Variants in SLC5A1 observed in about 807,000 individuals in gnomAD.
SLC5A1 encodes sodium/glucose cotransporter 1.
Under a neutral mutation model 73.5 loss-of-function variants are expected in SLC5A1, and 42 were observed. The ratio of observed to expected loss-of-function variants is 0.57; its 90% CI spans 0.45 to 0.74. SLC5A1 has a LOEUF of 0.74. Among genes scored for constraint, SLC5A1 ranks in the 30% least tolerant of loss-of-function variants. SLC5A1 has a pLI of 0.00. For synonymous variants in SLC5A1, 300 were observed against 317.4 expected (o/e 0.95, Z 0.58); for missense variants, 634 against 855.4 (o/e 0.74, Z 3.23).
At chr22:32,084,002 G>A (rs899675244) in intron 7 of SLC5A1, among the ~76,000 whole-genome samples, 3 of 152,268 alleles carry the variant, frequency 2.0e-5, no homozygotes, top group African/African-American at 7.2e-5. Context: ...GGTAGGTGTG[G>A]GTCTGAGGTC....
chr22:32,050,671 A>G (rs1185172917), intron 2 of SLC5A1, among the ~76,000 whole-genome samples: 1 of 152,224 alleles, frequency 6.6e-6, no homozygotes, highest in Non-Finnish European at 1.5e-5. Flanking sequence ...CTGTTCCTGA[A>G]AACTGAATGA....
Position 32,056,227 on chromosome 22 carries a change from C to T in SLC5A1, c.207+6213C>T, listed in dbSNP as rs543922185. Among the ~76,000 whole-genome samples, 275 of 152,116 alleles carry T rather than the reference C, an allele frequency of 1.8e-3. 2 individuals are homozygous for T. The highest frequency in any genetic ancestry group is 6.2e-3 in the African/African-American group (257 of 41,480). On this transcript the variant is annotated intron_variant, in intron 2 of 14. Transcript: ENST00000266088. Reference sequence around the variant, plus strand: ...GTAGAGGTGAGGTCTCGCTATGTTGCGCAGCCTGGTCTCGAACTCCCGAGC... The same window carrying T: ...GTAGAGGTGAGGTCTCGCTATGTTGTGCAGCCTGGTCTCGAACTCCCGAGC...
At chr22:32,062,358 T>G (rs2093964521) in intron 2 of SLC5A1, among the ~76,000 whole-genome samples, 2 of 152,222 alleles carry the variant, frequency 1.3e-5, no homozygotes, top group African/African-American at 4.8e-5. Context: ...TGGTAAAATG[T>G]GATTAATTCC....
At chr22:32,087,567 T>C (rs1032226730) in intron 10 of SLC5A1, among the ~76,000 whole-genome samples, 1 of 152,134 alleles carries the variant, frequency 6.6e-6, no homozygotes, top group African/African-American at 2.4e-5. Context: ...CAAGGCGGCT[T>C]GTCACCATAA....
intron 2 of SLC5A1, among the ~76,000 whole-genome samples, chr22:32,054,154 C>T (rs947446875): frequency 9.9e-5 from 15 of 152,116 alleles, no homozygotes; most frequent in African/African-American, 3.6e-4. Context: ...GCTTGGGCAA[C>T]AGAGCAAGAT....
intron 14 of SLC5A1, among the ~76,000 whole-genome samples, chr22:32,105,190 A>G (rs78702644): frequency 0.033 from 5,000 of 152,240 alleles, 256 homozygotes; most frequent in African/African-American, 0.11. Context: ...TGATGCAGGC[A>G]TGCAATCATG....
In SLC5A1 at chr22:32,099,410, G is replaced by A. The variant is rs1247167712; in HGVS notation, c.1449+59G>A. On this transcript the variant is annotated intron_variant, in intron 12 of 14. Coordinates refer to ENST00000266088, the MANE Select transcript of SLC5A1 (RefSeq NM_000343.4). ...TTCTGGCATAGAAGTTTCCATGTGG[G>A]TTTGCATATTCTCTGTGGGAGGGAT... 2.7e-6 allele frequency: 4 copies of A among 1,456,168 alleles called. No individual in the cohort carries two copies. In the East Asian group the frequency reaches 6.9e-5, roughly 25 times the overall value. The allele number at this position is 1,456,168 out of a possible 1,614,324, so 90.2% of individuals were successfully genotyped here. A position where few individuals can be genotyped will look rare whatever the true frequency, so the allele number is the denominator to read the frequency against.
At chr22:32,049,185 A>G (rs1450631348) in intron 1 of SLC5A1, among the ~76,000 whole-genome samples, 4 of 29,228 alleles carry the variant, frequency 1.4e-4, no homozygotes, top group African/African-American at 2.1e-4. Flanking sequence ...ATCTATATCT[A>G]TATCTATATC....
At chr22:32,046,272 C>A (rs150009556) in intron 1 of SLC5A1, among the ~76,000 whole-genome samples, 383 of 152,312 alleles carry the variant, frequency 2.5e-3, no homozygotes, top group Admixed American at 2.7e-3. Context: ...CTTTCCCACT[C>A]CCCAAGACAC....
At chr22:32,073,686 A>AG (rs1378901829) in intron 5 of SLC5A1, among the ~76,000 whole-genome samples, 10 of 151,980 alleles carry the variant, frequency 6.6e-5, no homozygotes, top group Admixed American at 4.6e-4. Context: ...CCTCCTGAGT[A>AG]GCTGGGATTA....
At chr22:32,051,270 G>A (rs1234199169) in intron 2 of SLC5A1, among the ~76,000 whole-genome samples, 1 of 152,136 alleles carries the variant, frequency 6.6e-6, no homozygotes, top group African/African-American at 2.4e-5. Flanking sequence ...TTGTGACATT[G>A]GGCAATTCAT....
chr22:32,070,654 A>C (rs890175387), intron 5 of SLC5A1, among the ~76,000 whole-genome samples: 1 of 152,008 alleles, frequency 6.6e-6, no homozygotes, highest in African/African-American at 2.4e-5. Context: ...TCTTTACTTC[A>C]CTTTTTCTTC....
chr22:32,046,656 T>C lies in SLC5A1; in HGVS notation c.135+3240T>C, dbSNP rs189393067. On this transcript the variant is annotated intron_variant, in intron 1 of 14. Transcript: ENST00000266088. Reference sequence around the variant, plus strand: ...GAAGACAACAGGCCACACTTGAGGCTTCTCTCCTCCAGGCCCAACATCCTC... The same window carrying C: ...GAAGACAACAGGCCACACTTGAGGCCTCTCTCCTCCAGGCCCAACATCCTC... 1.6e-3 allele frequency among the ~76,000 whole-genome samples: 245 copies of C among 152,338 alleles called. 1 individual carries two copies. Among genetic ancestry groups the C allele is most frequent in the African/African-American group, 5.7e-3 (238 of 41,584 alleles).
At chr22:32,053,326 TTCC>T (rs778731574) in intron 2 of SLC5A1, among the ~76,000 whole-genome samples, 29 of 152,166 alleles carry the variant, frequency 1.9e-4, no homozygotes, top group East Asian at 5.8e-4. Flanking sequence ...CCACCTTCTC[TTCC>T]TCCTTTTTAT....
At chr22:32,065,976 C>A (rs2093972332) in intron 2 of SLC5A1, among the ~76,000 whole-genome samples, 1 of 152,192 alleles carries the variant, frequency 6.6e-6, no homozygotes, top group African/African-American at 2.4e-5. Flanking sequence ...TTGTTTGGTT[C>A]TTATCAAATG....
rs572268202 is a variant in SLC5A1 at position 32,076,677 on chromosome 22, C to A, written c.478-5189C>A. ...AATGGGGCTTCACCATCTGAAACTG[C>A]GAGGCTAGGCAGGATTTATCGAATG... is the stretch of plus-strand genomic sequence containing the variant. On this transcript the variant is annotated intron_variant, in intron 5 of 14. Coordinates refer to ENST00000266088, the MANE Select transcript of SLC5A1 (RefSeq NM_000343.4). Among the ~76,000 whole-genome samples, 63 of 152,308 alleles carry A rather than the reference C, an allele frequency of 4.1e-4. 1 individual carries two copies. Among genetic ancestry groups the A allele is most frequent in the Middle Eastern group, 3.4e-3 (1 of 294 alleles).
intron 5 of SLC5A1, among the ~76,000 whole-genome samples, chr22:32,075,187 C>T (rs750993084): frequency 5.3e-5 from 8 of 149,720 alleles, no homozygotes; most frequent in Non-Finnish European, 1.2e-4. Flanking sequence ...GCTGGGATTA[C>T]AGGTGTGAGC....
At chr22:32,090,080 A>C (rs1444738691) in intron 10 of SLC5A1, among the ~76,000 whole-genome samples, 1 of 149,138 alleles carries the variant, frequency 6.7e-6, no homozygotes, top group East Asian at 2.0e-4. Context: ...GATCAGAGTT[A>C]GAAATACAGC....
At chr22:32,058,438 T>C (rs2149485183) in intron 2 of SLC5A1, among the ~76,000 whole-genome samples, 1 of 152,354 alleles carries the variant, frequency 6.6e-6, no homozygotes, top group South Asian at 2.1e-4. Flanking sequence ...CCTTACGTGG[T>C]TTCCAACATT....
Sources: allele counts gnomAD v4.1 joint callset (sites outside exome capture counted in the v4.1 genomes callset), GRCh38; gene constraint gnomAD v4.1.1; transcripts MANE v1.5; gene names NCBI Gene and HGNC (gene_info 2026-07-23, HGNC 2026-07-21).